Variants in CCBE1 observed in about 807,000 individuals in gnomAD.
CCBE1 encodes collagen and calcium-binding EGF domain-containing protein 1.
In CCBE1, 37 loss-of-function variants were observed where a neutral mutation model predicts 50.0. That is an observed-to-expected ratio of 0.74 (90% CI 0.57 to 0.97). The LOEUF (loss-of-function observed/expected upper bound fraction) is 0.97, where lower values mean the gene tolerates loss of function less well. Ranked by LOEUF, CCBE1 falls within the 50% of genes least tolerant of loss-of-function variation. The probability of loss-of-function intolerance (pLI) is 0.00; values close to 1 mark genes in which losing one functional copy is unlikely to be tolerated. For synonymous variants in CCBE1, 234 were observed against 203.7 expected, an observed-to-expected ratio of 1.15 and a Z score of -1.27; for missense variants, 538 against 523.8, an observed-to-expected ratio of 1.03 and a Z score of -0.26.
At chr18:59,513,968 T>C (rs1005901376) in intron 2 of CCBE1, among the ~76,000 whole-genome samples, 6 of 152,198 alleles carry the variant, frequency 3.9e-5, no homozygotes, top group Non-Finnish European at 8.8e-5. Flanking sequence ...TCTGCTGATA[T>C]GCAGTTCAGC....
Position 59,439,700 on chromosome 18 carries a change from T to C in CCBE1, c.892A>G (p.Lys298Glu), listed in dbSNP as rs1910328112. 2.5e-6 allele frequency: 4 copies of C among 1,614,228 alleles called. No homozygotes were observed. Among genetic ancestry groups the C allele is most frequent in the Non-Finnish European group, 3.4e-6 (4 of 1,180,036 alleles). The change falls in exon 8 of 11, where the codon AAG (lysine) becomes GAG (glutamate). Residue 298 changes from lysine to glutamate, a missense_variant. Coordinates refer to ENST00000439986, the MANE Select transcript of CCBE1 (RefSeq NM_133459.4). ...ACCACAGGGCCCCTCCGGCCTTGCT[T>C]AATGTGGGACAGATCAGGAGATGGT... Reference protein sequence around the residue: ...MGPSPDLSHIKQGRRGPVGPP... With the variant: ...MGPSPDLSHIEQGRRGPVGPP...
chr18:59,587,436 C>A lies in CCBE1; in HGVS notation c.213-107198G>T, dbSNP rs142559912. On this transcript the variant is annotated intron_variant, in intron 2 of 10. Coordinates refer to ENST00000439986, the MANE Select transcript of CCBE1 (RefSeq NM_133459.4). The stretch of plus-strand genomic sequence containing the variant: ...AAAGCATTTGCTAGCATTCAACAGT[C>A]ATGTATGAAAAAACGTTTTACCAAA... Among the ~76,000 whole-genome samples the A allele has an allele frequency of 2.0e-5, 3 of 151,948 alleles. No individual in the cohort carries two copies. The East Asian group carries it at 5.8e-4, about 29-fold the overall frequency.
intron 2 of CCBE1, among the ~76,000 whole-genome samples, chr18:59,663,411 G>T (rs2054312292): frequency 6.6e-6 from 1 of 152,112 alleles, no homozygotes; most frequent in Non-Finnish European, 1.5e-5. Flanking sequence ...GCCAGTGTTT[G>T]CCTATTTTAT....
chr18:59,457,001 C>G (rs2143682874), intron 5 of CCBE1, among the ~76,000 whole-genome samples: 1 of 152,342 alleles, frequency 6.6e-6, no homozygotes, highest in Middle Eastern at 3.4e-3. Context: ...TGATGCCATG[C>G]TGTGTAGTTG....
intron 4 of CCBE1, among the ~76,000 whole-genome samples, chr18:59,468,361 G>A (rs1226989494): frequency 6.6e-6 from 1 of 152,158 alleles, no homozygotes; most frequent in Non-Finnish European, 1.5e-5. Context: ...CTCCAGCCTG[G>A]GCAACAGAGT....
intron 2 of CCBE1, among the ~76,000 whole-genome samples, chr18:59,641,245 G>A (rs932854495): frequency 6.6e-6 from 1 of 150,728 alleles, no homozygotes; most frequent in Non-Finnish European, 1.5e-5. Context: ...TAAAAAAAAT[G>A]TGGTATACAC....
intron 2 of CCBE1, among the ~76,000 whole-genome samples, chr18:59,510,117 G>T (rs1280610923): frequency 1.3e-5 from 2 of 152,182 alleles, no homozygotes; most frequent in Non-Finnish European, 2.9e-5. Flanking sequence ...CTGCAAAGAG[G>T]AGGAAACATC....
Position 59,434,502 on chromosome 18 carries a change from T to C in CCBE1, c.*1406A>G, listed in dbSNP as rs1329453626. 3.3e-5 allele frequency: 5 copies of C among 152,210 alleles called. No individual in the cohort carries two copies. Among genetic ancestry groups the C allele is most frequent in the African/African-American group, 7.2e-5 (3 of 41,444 alleles). 9.4% of individuals were successfully genotyped at this position (152,210 alleles called of 1,614,324 possible). A position where few individuals can be genotyped will look rare whatever the true frequency, so the allele number is the denominator to read the frequency against. On this transcript the variant is annotated 3_prime_UTR_variant, in exon 11 of 11. Transcript: ENST00000439986. ...CATCCTTCTGGTCTCTTGCTCCTGGTGCTTCTGAATCCACAGCAAACCTTG... is the reference window on the plus strand; with the variant it reads ...CATCCTTCTGGTCTCTTGCTCCTGGCGCTTCTGAATCCACAGCAAACCTTG...
intron 2 of CCBE1, among the ~76,000 whole-genome samples, chr18:59,486,948 C>T (rs1912852067): frequency 6.6e-6 from 1 of 151,650 alleles, no homozygotes; most frequent in African/African-American, 2.4e-5. Context: ...TCATAAAAAG[C>T]ATATCCAAGA....
At chr18:59,690,983 G>T (rs183421848) in intron 2 of CCBE1, among the ~76,000 whole-genome samples, 1 of 152,290 alleles carries the variant, frequency 6.6e-6, no homozygotes, top group Non-Finnish European at 1.5e-5. Context: ...AAAGTTAAGC[G>T]GATCTAACTT....
intron 2 of CCBE1, among the ~76,000 whole-genome samples, chr18:59,508,947 G>A (rs757840319): frequency 6.6e-6 from 1 of 152,140 alleles, no homozygotes; most frequent in Non-Finnish European, 1.5e-5. Context: ...AGTGAGTGCA[G>A]TTTTTAATAG....
At chr18:59,657,192 C>A (rs1018408217) in intron 2 of CCBE1, among the ~76,000 whole-genome samples, 11 of 152,184 alleles carry the variant, frequency 7.2e-5, no homozygotes, top group Non-Finnish European at 2.9e-5. Flanking sequence ...CTCATGCTAC[C>A]TAGAAAAGCA....
At chr18:59,451,309 A>G (rs908408467) in intron 6 of CCBE1, among the ~76,000 whole-genome samples, 3 of 152,002 alleles carry the variant, frequency 2.0e-5, no homozygotes, top group African/African-American at 7.2e-5. Flanking sequence ...CAGTCAACCC[A>G]GGACAGGCTG....
intron 2 of CCBE1, among the ~76,000 whole-genome samples, chr18:59,522,537 G>C (rs528419725): frequency 1.3e-5 from 2 of 152,294 alleles, no homozygotes; most frequent in South Asian, 4.1e-4. Flanking sequence ...GTGGTGGTGG[G>C]TTAAATCAAG....
At chr18:59,578,200 A>T (rs2053028177) in intron 2 of CCBE1, among the ~76,000 whole-genome samples, 1 of 152,236 alleles carries the variant, frequency 6.6e-6, no homozygotes, top group Admixed American at 6.5e-5. Context: ...CATGAGAAAA[A>T]GCTCATCATC....
At chr18:59,494,369 A>G (rs1475092938) in intron 2 of CCBE1, among the ~76,000 whole-genome samples, 1 of 152,198 alleles carries the variant, frequency 6.6e-6, no homozygotes, top group Non-Finnish European at 1.5e-5. Flanking sequence ...TGATCCTTAG[A>G]CAACCTTTAG....
At chr18:59,658,320 C>T (rs1284994667) in intron 2 of CCBE1, among the ~76,000 whole-genome samples, 1 of 6,630 alleles carries the variant, frequency 1.5e-4, no homozygotes, top group East Asian at 0.01. Flanking sequence ...GACCCTGTCT[C>T]TAAAAAAAAA....
chr18:59,465,791 G>C (rs1356402818), intron 5 of CCBE1: 1 of 152,060 alleles, frequency 6.6e-6, no homozygotes. Flanking sequence ...TTATATTTCA[G>C]CCCATTTTCT....
At chr18:59,643,667 A>G (rs1413733194) in intron 2 of CCBE1, among the ~76,000 whole-genome samples, 2 of 152,138 alleles carry the variant, frequency 1.3e-5, no homozygotes, top group African/African-American at 4.8e-5. Context: ...TAAAAATACA[A>G]AAAATTAGCC....
Sources: allele counts gnomAD v4.1 joint callset (sites outside exome capture counted in the v4.1 genomes callset), GRCh38; gene constraint gnomAD v4.1.1; transcripts MANE v1.5; gene names NCBI Gene and HGNC (gene_info 2026-07-23, HGNC 2026-07-21).